Variants in PLXNA4 observed in about 807,000 individuals in gnomAD.
The protein encoded by PLXNA4 is plexin A4.
In PLXNA4, 44 loss-of-function variants were observed where a neutral mutation model predicts 191.8. That is an observed-to-expected ratio of 0.23 (90% CI 0.18 to 0.29). PLXNA4 has a LOEUF of 0.29. Ranked by LOEUF, PLXNA4 falls within the 10% of genes least tolerant of loss-of-function variation. PLXNA4 has a pLI of 1.00. For synonymous variants in PLXNA4, 1,082 were observed against 1,009.5 expected, an observed-to-expected ratio of 1.07 and a Z score of -1.36; for missense variants, 1,800 against 2,488.8, an observed-to-expected ratio of 0.72 and a Z score of 5.89.
At chr7:132,185,192 C>A (rs2116763338) in intron 16 of PLXNA4, 107 bp downstream of exon 16, 2 of 1,421,234 alleles carry the variant, frequency 1.4e-6, no homozygotes, top group Non-Finnish European at 1.9e-6. Context: ...CCAGCTCATC[C>A]ATCCCCCAAG....
chr7:132,561,054 T>C (rs1020246447), intron 1 of PLXNA4, among the ~76,000 whole-genome samples: 1 of 152,094 alleles, frequency 6.6e-6, no homozygotes, highest in South Asian at 2.1e-4. Flanking sequence ...TGCTGCCTGA[T>C]GGATAAATCC....
At chr7:132,199,420 G>A (rs1054357773) in intron 12 of PLXNA4, among the ~76,000 whole-genome samples, 1 of 152,158 alleles carries the variant, frequency 6.6e-6, no homozygotes, top group African/African-American at 2.4e-5. Flanking sequence ...AGGTCAAAGT[G>A]TACTGGCTTT....
rs752456345 is a variant in PLXNA4, at chr7:132,198,487, T to C, written c.2736A>G (p.Glu912=). The change falls in exon 13 of 32, where the codon GAA becomes GAG. Residue 912 remains glutamate, a splice_region_variant and synonymous_variant. Coordinates refer to ENST00000321063, the MANE Select transcript of PLXNA4 (RefSeq NM_020911.2). ...SPLVDGYIPA[E]QIVCEMGEAK... ...GTGTTGCATGCAGCTTCACTTACTGTTCTGCAGGGATGTAACCATCCACTA... is the reference window on the plus strand; with the variant it reads ...GTGTTGCATGCAGCTTCACTTACTGCTCTGCAGGGATGTAACCATCCACTA... 2 of 1,614,002 alleles carry C rather than the reference T, an allele frequency of 1.2e-6. No individual in the cohort carries two copies. The highest frequency in any genetic ancestry group is 3.3e-5 in the Admixed American group (2 of 60,002).
intron 2 of PLXNA4, among the ~76,000 whole-genome samples, chr7:132,490,317 C>A (rs1797744455): frequency 6.6e-6 from 1 of 151,824 alleles, no homozygotes; most frequent in Non-Finnish European, 1.5e-5. Context: ...CTAAGAGATT[C>A]ATAACGATTA....
intron 3 of PLXNA4, among the ~76,000 whole-genome samples, chr7:132,442,769 C>G (rs1795744453): frequency 6.6e-6 from 1 of 152,224 alleles, no homozygotes; most frequent in Non-Finnish European, 1.5e-5. Flanking sequence ...AGTAACCAAG[C>G]TGCCCGCATC....
chr7:132,548,170 G>A (rs1483777753), intron 1 of PLXNA4, among the ~76,000 whole-genome samples: 1 of 152,160 alleles, frequency 6.6e-6, no homozygotes, highest in Non-Finnish European at 1.5e-5. Context: ...ATCCTGTGGG[G>A]TTTGTGAGGG....
intron 5 of PLXNA4, among the ~76,000 whole-genome samples, chr7:132,240,656 C>T (rs1003183409): frequency 1.3e-5 from 2 of 152,206 alleles, no homozygotes; most frequent in South Asian, 2.1e-4. Context: ...TTTATGATTT[C>T]GGGGCCAGTA....
chr7:132,191,527 A>T (rs1384746993), intron 14 of PLXNA4, among the ~76,000 whole-genome samples: 1 of 152,202 alleles, frequency 6.6e-6, no homozygotes, highest in Non-Finnish European at 1.5e-5. Context: ...GCTAAGGTTC[A>T]AAAGAAGCAT....
chr7:132,563,135 C>G (rs1801395897), intron 1 of PLXNA4, among the ~76,000 whole-genome samples: 1 of 98,366 alleles, frequency 1.0e-5, no homozygotes, highest in African/African-American at 3.8e-5. Flanking sequence ...TCCTCCTCCT[C>G]CTTCTCCTCT....
intron 4 of PLXNA4, among the ~76,000 whole-genome samples, chr7:132,247,974 AAAG>A (rs1043427260): frequency 2.6e-5 from 4 of 152,326 alleles, no homozygotes; most frequent in Admixed American, 6.5e-5. Context: ...CACTCCCTAA[AAAG>A]AAGACTTTTA....
chr7:132,221,631 T>C (rs1442955108), intron 9 of PLXNA4, among the ~76,000 whole-genome samples: 1 of 152,226 alleles, frequency 6.6e-6, no homozygotes, highest in Non-Finnish European at 1.5e-5. Flanking sequence ...ATTACCTTTA[T>C]ATCCATGTTG....
intron 4 of PLXNA4, among the ~76,000 whole-genome samples, chr7:132,252,894 T>C (rs1026561904): frequency 3.3e-5 from 5 of 152,204 alleles, no homozygotes; most frequent in African/African-American, 1.2e-4. Context: ...CTGTATGTAC[T>C]AAGATGGATG....
At chr7:132,482,137 C>T (rs1314031332) in intron 3 of PLXNA4, among the ~76,000 whole-genome samples, 1 of 152,182 alleles carries the variant, frequency 6.6e-6, no homozygotes, top group African/African-American at 2.4e-5. Flanking sequence ...CCCAGTGATC[C>T]CCACCTCTGG....
intron 2 of PLXNA4, among the ~76,000 whole-genome samples, chr7:132,619,621 G>A (rs1488892691): frequency 1.3e-5 from 2 of 152,238 alleles, no homozygotes; most frequent in Non-Finnish European, 2.9e-5. Flanking sequence ...GGCAATGACT[G>A]TCTTATTCAT....
chr7:132,198,767 G>A, intron 12 of PLXNA4, 131 bp from the exon 13 acceptor site: 4 of 1,405,814 alleles, frequency 2.8e-6, no homozygotes, highest in Non-Finnish European at 3.8e-6. Flanking sequence ...AGTCACCAAG[G>A]GCACCCAAAG....
intron 3 of PLXNA4, among the ~76,000 whole-genome samples, chr7:132,359,260 C>T (rs1266537040): frequency 7.6e-6 from 1 of 131,974 alleles, no homozygotes; most frequent in African/African-American, 2.8e-5. Context: ...CTTGCTTTGT[C>T]ACGCAGGCTG....
chr7:132,620,720 G>C (rs1432791401), intron 2 of PLXNA4, among the ~76,000 whole-genome samples: 1 of 152,166 alleles, frequency 6.6e-6, no homozygotes, highest in Non-Finnish European at 1.5e-5. Context: ...GCTACTTGCT[G>C]TTTTCATTTG....
At chr7:132,393,399 T>C (rs368641289) in intron 3 of PLXNA4, among the ~76,000 whole-genome samples, 29 of 152,200 alleles carry the variant, frequency 1.9e-4, no homozygotes, top group African/African-American at 6.7e-4. Context: ...AGAGGCTGTA[T>C]TGGCTTTAAC....
intron 3 of PLXNA4, among the ~76,000 whole-genome samples, chr7:132,390,967 C>A (rs186581271): frequency 2.0e-5 from 3 of 152,180 alleles, no homozygotes; most frequent in Non-Finnish European, 4.4e-5. Flanking sequence ...TGGGAAGGAA[C>A]GCAGAGGGCA....
Sources: gnomAD v4.1 joint callset for allele counts (sites outside exome capture counted in the v4.1 genomes callset) on GRCh38, gnomAD v4.1.1 for gene constraint, MANE v1.5 for transcripts, NCBI Gene and HGNC (gene_info 2026-07-23, HGNC 2026-07-21) for gene names.